IPCEF1: variants seen among roughly 807,000 people sequenced by gnomAD.
IPCEF1 encodes the protein interaction protein for cytohesin exchange factors 1.
Under a neutral mutation model 50.9 loss-of-function variants are expected in IPCEF1, and 31 were observed. The ratio of observed to expected loss-of-function variants is 0.61; its 90% confidence interval spans 0.46 to 0.82. The LOEUF is 0.82. Among genes scored for constraint, IPCEF1 ranks in the 40% least tolerant of loss-of-function variants. The pLI is 0.00. For missense variants in IPCEF1, 458 were observed against 514.0 expected (o/e 0.89, Z 1.05); for synonymous variants, 181 against 192.0 (o/e 0.94, Z 0.47).
chr6:154,260,206 A>G (rs935034159), intron 3 of IPCEF1, among the ~76,000 whole-genome samples: 1 of 152,234 alleles, frequency 6.6e-6, no homozygotes, highest in African/African-American at 2.4e-5. Context: ...GCAACAGCAA[A>G]TAACTTAACC....
chr6:154,349,847 A>C (rs1165694806), intron 1 of IPCEF1, among the ~76,000 whole-genome samples: 1 of 152,226 alleles, frequency 6.6e-6, no homozygotes, highest in Admixed American at 6.5e-5. Flanking sequence ...TGGATCAATT[A>C]AGAGGAGGAG....
rs3045866 is a variant in IPCEF1, at chr6:154,290,893, C to CTT, written c.-61-1139_-61-1138dup. On this transcript the variant is annotated intron_variant, in intron 1 of 11. Transcript: ENST00000367220. ...AATTTTTCCAGTAGGAATATATTGCCTTTTTTTTTTTTTTGAGACAGAGTC... is the reference window on the plus strand; with the variant it reads ...AATTTTTCCAGTAGGAATATATTGCCTTTTTTTTTTTTTTTTGAGACAGAGTC... 5.5e-4 allele frequency among the ~76,000 whole-genome samples: 70 copies of CTT among 127,302 alleles called. 8 individuals are homozygous for CTT. The highest frequency in any genetic ancestry group is 1.8e-3 in the African/African-American group (58 of 31,562). 83.5% of individuals were successfully genotyped at this position (127,302 alleles called of 152,430 possible). A position where few individuals can be genotyped will look rare whatever the true frequency, so the allele number is the denominator to read the frequency against.
chr6:154,329,633 AAAAG>A (rs202108280), intron 1 of IPCEF1, among the ~76,000 whole-genome samples: 1,909 of 149,480 alleles, frequency 0.013, 13 homozygotes, highest in Non-Finnish European at 0.02. Flanking sequence ...GAGAGAAAGA[AAAAG>A]AAAGAAAGAA....
intron 5 of IPCEF1, among the ~76,000 whole-genome samples, chr6:154,236,013 T>C: frequency 6.6e-6 from 1 of 152,142 alleles, no homozygotes; most frequent in East Asian, 1.9e-4. Flanking sequence ...TCAAAAACAA[T>C]TAAGATAGAA....
rs35478569 is a variant in IPCEF1, at chr6:154,298,962, CA to C, written c.-61-9207del. 3.9e-3 allele frequency among the ~76,000 whole-genome samples: 370 copies of C among 94,228 alleles called. 10 individuals carry two copies. The highest frequency in any genetic ancestry group is 5.3e-3 in the African/African-American group (147 of 27,630). 61.8% of individuals were successfully genotyped at this position (94,228 alleles called of 152,430 possible). On this transcript the variant is annotated intron_variant, in intron 1 of 11. Coordinates refer to ENST00000367220, the MANE Select transcript of IPCEF1 (RefSeq NM_001130700.2). ...GGGCAACAAGAGCGAAACTCCATCT[CA>C]AAAAAAAAAAAAAGATTACCAATAT...
At position 154,173,848 on chromosome 6, in the gene IPCEF1, G is replaced by C. The variant is rs562968203; in HGVS notation, c.911-5735C>G. ...GCCACAAAGATACTCCTTGAGAAGA[G>C]CAACCCCAAGACACATAACTGTGAG... On this transcript the variant is annotated intron_variant, in intron 10 of 11. Coordinates refer to ENST00000367220, the MANE Select transcript of IPCEF1 (RefSeq NM_001130700.2). Among the ~76,000 whole-genome samples the C allele has an allele frequency of 5.9e-3, 903 of 152,232 alleles. 11 individuals are homozygous for C. The highest frequency in any genetic ancestry group is 0.021 in the African/African-American group (862 of 41,528).
chr6:154,248,001 A>C lies in IPCEF1; in HGVS notation c.37-513T>G, dbSNP rs528155534. Among the ~76,000 whole-genome samples, 60 of 152,318 alleles carry C rather than the reference A, an allele frequency of 3.9e-4. 1 individual carries two copies. Among genetic ancestry groups the C allele is most frequent in the Admixed American group, 3.9e-3 (59 of 15,304 alleles). ...GTTAGACCTAAACCACATGAATTAAATATCCCAGAAAATGAAATTCCACAA... is the reference window on the plus strand; with the variant it reads ...GTTAGACCTAAACCACATGAATTAACTATCCCAGAAAATGAAATTCCACAA... On this transcript the variant is annotated intron_variant, in intron 3 of 11. Transcript: ENST00000367220.
intron 10 of IPCEF1, among the ~76,000 whole-genome samples, chr6:154,199,292 C>G (rs1776887731): frequency 6.6e-6 from 1 of 152,216 alleles, no homozygotes; most frequent in South Asian, 2.1e-4. Context: ...TTTGAACTAT[C>G]AAGGTGATGT....
intron 1 of IPCEF1, among the ~76,000 whole-genome samples, chr6:154,318,115 G>C (rs1056132192): frequency 6.6e-6 from 1 of 152,168 alleles, no homozygotes; most frequent in African/African-American, 2.4e-5. Flanking sequence ...TGACAACTTT[G>C]CTATGAAGTT....
intron 11 of IPCEF1, among the ~76,000 whole-genome samples, chr6:154,161,002 A>G (rs1400515325): frequency 1.3e-5 from 2 of 152,046 alleles, no homozygotes; most frequent in Non-Finnish European, 2.9e-5. Context: ...CACTGGCACC[A>G]TTTGTTGATA....
intron 1 of IPCEF1, among the ~76,000 whole-genome samples, chr6:154,326,733 C>G (rs533366783): frequency 6.6e-6 from 1 of 152,178 alleles, no homozygotes; most frequent in East Asian, 1.9e-4. Context: ...TCACATGGAA[C>G]CAAAAAAGAG....
At chr6:154,313,081 A>AAAAAAAAAC (rs1783124346) in intron 1 of IPCEF1, among the ~76,000 whole-genome samples, 1 of 149,736 alleles carries the variant, frequency 6.7e-6, no homozygotes, top group African/African-American at 2.5e-5. Context: ...AAAAAAAAAA[A>AAAAAAAAAC]AAAAACATGG....
chr6:154,255,395 C>T (rs1416703472), intron 3 of IPCEF1, among the ~76,000 whole-genome samples: 17 of 152,172 alleles, frequency 1.1e-4, no homozygotes, highest in Admixed American at 9.8e-4. Context: ...TCACACTGAT[C>T]GATTTCTGCT....
intron 2 of IPCEF1, among the ~76,000 whole-genome samples, chr6:154,266,301 C>T (rs1562572372): frequency 1.3e-5 from 2 of 151,992 alleles, no homozygotes; most frequent in African/African-American, 4.8e-5. Context: ...GGGAGGATTG[C>T]TTGAGCCCAG....
chr6:154,201,207 T>C (rs889103423), intron 9 of IPCEF1, among the ~76,000 whole-genome samples: 3 of 152,242 alleles, frequency 2.0e-5, no homozygotes, highest in Non-Finnish European at 2.9e-5. Flanking sequence ...CAGTCTCTGA[T>C]AGTTCTTTAC....
intron 3 of IPCEF1, among the ~76,000 whole-genome samples, chr6:154,263,519 C>T (rs1781660361): frequency 9.1e-6 from 1 of 110,178 alleles, no homozygotes; most frequent in Non-Finnish European, 1.9e-5. Context: ...CCATTCAACC[C>T]TGAGTGGATA....
At chr6:154,252,942 C>G (rs989872967) in intron 3 of IPCEF1, among the ~76,000 whole-genome samples, 1 of 152,136 alleles carries the variant, frequency 6.6e-6, no homozygotes, top group Non-Finnish European at 1.5e-5. Flanking sequence ...TGCTTAAACC[C>G]TTTTATTGCA....
At chr6:154,296,532 T>C (rs1206847054) in intron 1 of IPCEF1, among the ~76,000 whole-genome samples, 1 of 152,094 alleles carries the variant, frequency 6.6e-6, no homozygotes, top group Non-Finnish European at 1.5e-5. Context: ...CCTAAAATGT[T>C]GTTAAAATGA....
intron 3 of IPCEF1, among the ~76,000 whole-genome samples, chr6:154,257,352 C>G (rs765141482): frequency 1.3e-5 from 2 of 152,214 alleles, no homozygotes; most frequent in African/African-American, 4.8e-5. Flanking sequence ...ATCCCTTAAC[C>G]TGCAGGCAGA....
Sources: gnomAD v4.1 joint callset for allele counts (sites outside exome capture counted in the v4.1 genomes callset) on GRCh38, gnomAD v4.1.1 for gene constraint, MANE v1.5 for transcripts, NCBI Gene and HGNC (gene_info 2026-07-23, HGNC 2026-07-21) for gene names.